AGBL1: variants seen among roughly 807,000 people sequenced by gnomAD.
AGBL1 encodes the protein cytosolic carboxypeptidase 4.
Under a neutral mutation model 118.9 loss-of-function variants are expected in AGBL1, and 130 were observed. That is an observed-to-expected ratio of 1.09 (90% CI 0.95 to 1.26). AGBL1 has a LOEUF of 1.26. Ranked by LOEUF, AGBL1 falls within the 50% of genes most tolerant of loss-of-function variation. The pLI, the probability that AGBL1 is intolerant of heterozygous loss-of-function variation, is 0.00. For missense variants in AGBL1, 1,584 were observed against 1,298.1 expected (o/e 1.22, Z -3.38); for synonymous variants, 555 against 478.9 (o/e 1.16, Z -2.08).
chr15:86,192,851 T>C (rs2077744693), intron 5 of AGBL1, among the ~76,000 whole-genome samples: 1 of 152,180 alleles, frequency 6.6e-6, no homozygotes, highest in Non-Finnish European at 1.5e-5. Flanking sequence ...AAACTTTGTA[T>C]AGTATGATCA....
chr15:86,858,463 GGTGTGT>G (rs3059715), intron 22 of AGBL1, among the ~76,000 whole-genome samples: 41 of 147,088 alleles, frequency 2.8e-4, no homozygotes, highest in African/African-American at 6.5e-4. Flanking sequence ...CCTTTCAGGT[GGTGTGT>G]GTGTGTGTGT....
intron 22 of AGBL1, among the ~76,000 whole-genome samples, chr15:86,770,460 T>A (rs1453192423): frequency 9.2e-5 from 14 of 151,964 alleles, no homozygotes. Flanking sequence ...ACAAGCCAGT[T>A]TCCTACAACA....
intron 1 of AGBL1, among the ~76,000 whole-genome samples, chr15:86,119,679 GTGTGTGTGTA>G (rs1897976516): frequency 1.4e-5 from 2 of 144,498 alleles, no homozygotes; most frequent in Non-Finnish European, 3.1e-5. Context: ...GTGTGTGTGT[GTGTGTGTGTA>G]TGTATTTGCA....
At chr15:86,186,537 G>A (rs779263716) in intron 5 of AGBL1, among the ~76,000 whole-genome samples, 8 of 152,172 alleles carry the variant, frequency 5.3e-5, no homozygotes, top group Non-Finnish European at 4.4e-5. Flanking sequence ...ACCATTTCAA[G>A]TGTAGTGTTA....
intron 23 of AGBL1, among the ~76,000 whole-genome samples, chr15:86,960,353 A>G (rs2080979345): frequency 6.6e-6 from 1 of 152,054 alleles, no homozygotes; most frequent in Admixed American, 6.6e-5. Flanking sequence ...GTAATTCCAT[A>G]TTATTTAGAA....
intron 24 of AGBL1, among the ~76,000 whole-genome samples, chr15:87,026,919 A>G (rs894553279): frequency 6.6e-6 from 1 of 152,070 alleles, no homozygotes; most frequent in African/African-American, 2.4e-5. Flanking sequence ...TCACATTCAT[A>G]AGTGGGAGCT....
chr15:86,485,246 C>G (rs1266482801), intron 18 of AGBL1, among the ~76,000 whole-genome samples: 1 of 152,280 alleles, frequency 6.6e-6, no homozygotes, highest in South Asian at 2.1e-4. Context: ...AAATTCAAAT[C>G]TGCATTTTAC....
chr15:86,617,650 T>G (rs1311865533), intron 21 of AGBL1, among the ~76,000 whole-genome samples: 1 of 152,106 alleles, frequency 6.6e-6, no homozygotes, highest in Non-Finnish European at 1.5e-5. Flanking sequence ...CTTTTTCATT[T>G]CTTGGGCTGT....
chr15:86,995,193 C>A (rs1244370974), intron 24 of AGBL1, among the ~76,000 whole-genome samples: 1 of 151,998 alleles, frequency 6.6e-6, no homozygotes, highest in African/African-American at 2.4e-5. Context: ...TTTGAGCCAG[C>A]CTGGACAACC....
At chr15:86,593,469 T>C (rs2084365818) in intron 21 of AGBL1, among the ~76,000 whole-genome samples, 1 of 152,180 alleles carries the variant, frequency 6.6e-6, no homozygotes, top group Non-Finnish European at 1.5e-5. Context: ...GAGTATGTTC[T>C]AAGTTTTCTG....
chr15:86,581,338 T>A (rs1459978022), intron 21 of AGBL1, among the ~76,000 whole-genome samples: 1 of 152,182 alleles, frequency 6.6e-6, no homozygotes, highest in African/African-American at 2.4e-5. Context: ...TTGATTTTGA[T>A]AGGTCCCTTC....
At chr15:86,192,606 T>C (rs1258750344) in intron 5 of AGBL1, among the ~76,000 whole-genome samples, 1 of 152,166 alleles carries the variant, frequency 6.6e-6, no homozygotes, top group African/African-American at 2.4e-5. Flanking sequence ...CTATTAAAAT[T>C]CTTATTTAAA....
intron 22 of AGBL1, among the ~76,000 whole-genome samples, chr15:86,680,521 C>A (rs1342677343): frequency 1.3e-5 from 2 of 148,608 alleles, no homozygotes; most frequent in East Asian, 2.0e-4. Flanking sequence ...TGTATGCACC[C>A]TGTTTTTTCT....
At chr15:86,739,464 AAGT>A (rs1157086301) in intron 22 of AGBL1, among the ~76,000 whole-genome samples, 49 of 147,866 alleles carry the variant, frequency 3.3e-4, no homozygotes, top group African/African-American at 1.1e-3. Flanking sequence ...AAAAAAAAAA[AAGT>A]AAAAGAGAAA....
At chr15:86,546,170 G>A (rs1419817726) in intron 20 of AGBL1, 37 bp downstream of exon 20, 6 of 1,555,238 alleles carry the variant, frequency 3.9e-6, no homozygotes, top group Non-Finnish European at 5.3e-6. Context: ...GACATGCTGT[G>A]TTCATATTCT....
intron 18 of AGBL1, among the ~76,000 whole-genome samples, chr15:86,476,312 C>A (rs1228329999): frequency 6.6e-6 from 1 of 152,116 alleles, no homozygotes; most frequent in East Asian, 1.9e-4. Flanking sequence ...CAAAACCCAT[C>A]AGTGTGCTGT....
In AGBL1 at chr15:86,365,358, C is replaced by G. The variant is rs375934183; in HGVS notation, c.2375-32008C>G. Among the ~76,000 whole-genome samples, 217 of 152,200 alleles carry G rather than the reference C, an allele frequency of 1.4e-3. 1 individual carries two copies. Among genetic ancestry groups the G allele is most frequent in the African/African-American group, 5.1e-3 (211 of 41,536 alleles). ...TCTGGAAGAACTAATTTTGAGTTAT[C>G]TGAATTCTTCTGATCCTAACATTTT... On this transcript the variant is annotated intron_variant, in intron 17 of 22. Coordinates refer to ENST00000614907, the MANE Select transcript of AGBL1 (RefSeq NM_001386094.1).
At chr15:86,228,807 C>T (rs1165697992) in intron 6 of AGBL1, among the ~76,000 whole-genome samples, 1 of 152,198 alleles carries the variant, frequency 6.6e-6, no homozygotes, top group African/African-American at 2.4e-5. Context: ...CCGTCTCTGT[C>T]TCTTTCTGGG....
At chr15:86,659,353 G>A (rs1175237826) in intron 21 of AGBL1, among the ~76,000 whole-genome samples, 3 of 152,170 alleles carry the variant, frequency 2.0e-5, no homozygotes, top group African/African-American at 7.2e-5. Flanking sequence ...GAGATGATTT[G>A]AAGCCGGGAG....
Sources: gnomAD v4.1 joint callset for allele counts (sites outside exome capture counted in the v4.1 genomes callset) on GRCh38, gnomAD v4.1.1 for gene constraint, MANE v1.5 for transcripts, NCBI Gene and HGNC (gene_info 2026-07-23, HGNC 2026-07-21) for gene names.